ZNF676: variants seen among roughly 807,000 people sequenced by gnomAD.
ZNF676 encodes the protein zinc finger protein 676.
A neutral mutation model predicts 6.0 loss-of-function variants in ZNF676; 4 were observed. The observed-to-expected ratio is 0.67, with a 90% confidence interval of 0.33 to 1.53. ZNF676 has a LOEUF of 1.53. ZNF676 is among the 40% of genes most tolerant of loss of function. The pLI is 0.06. For missense variants in ZNF676, 644 were observed against 679.7 expected (o/e 0.95, Z 0.58); for synonymous variants, 198 against 223.1 (o/e 0.89, Z 1.00).
chr19:22,201,141 GTAGAAGGAC>G (rs2024021866), upstream of ZNF676, among the ~76,000 whole-genome samples: 2 of 152,284 alleles, frequency 1.3e-5, no homozygotes, highest in East Asian at 3.9e-4. Flanking sequence ...TGTTGGGTAA[GTAGAAGGAC>G]AAGAATACTC....
chr19:22,216,565 T>C (rs979366769), upstream of ZNF676, among the ~76,000 whole-genome samples: 3 of 152,204 alleles, frequency 2.0e-5, no homozygotes, highest in Non-Finnish European at 4.4e-5. Flanking sequence ...TAGATGTTCA[T>C]ATATATTTTA....
chr19:22,184,303 C>G (rs1192580211), intron 2 of ZNF676, among the ~76,000 whole-genome samples: 1 of 152,048 alleles, frequency 6.6e-6, no homozygotes, highest in African/African-American at 2.4e-5. Flanking sequence ...GGGACTGTAC[C>G]ATAAAGAACA....
At chr19:22,256,379 G>A in the ZNF676 span, among the ~76,000 whole-genome samples, 3 of 152,018 alleles carry the variant, frequency 2.0e-5, no homozygotes, top group Admixed American at 6.6e-5. Context: ...CCAGAGATTT[G>A]TACAATATTC....
At chr19:22,192,993 T>C in intron 2 of ZNF676, 23 bp downstream of exon 2, 1 of 1,591,816 alleles carries the variant, frequency 6.3e-7, no homozygotes, top group Non-Finnish European at 8.5e-7. Flanking sequence ...TCATTCATGT[T>C]GTCTGTATTC....
the ZNF676 span, among the ~76,000 whole-genome samples, chr19:22,239,003 A>G: frequency 2.0e-5 from 3 of 152,230 alleles, no homozygotes; most frequent in African/African-American, 7.2e-5. Flanking sequence ...CAGGATTAAT[A>G]CTTTGTATCC....
chr19:22,185,165 GA>G (rs1428479832), intron 2 of ZNF676, among the ~76,000 whole-genome samples: 1 of 152,174 alleles, frequency 6.6e-6, no homozygotes, highest in Non-Finnish European at 1.5e-5. Context: ...CCTTCCAGAG[GA>G]AGGAACAGGC....
At chr19:22,238,097 CTTCA>C in the ZNF676 span, among the ~76,000 whole-genome samples, 1 of 152,316 alleles carries the variant, frequency 6.6e-6, no homozygotes, top group Admixed American at 6.5e-5. Flanking sequence ...GGACAACCAG[CTTCA>C]TTATGTTCCT....
At chr19:22,182,593 A>AAAAAAAAAACAAAAAAC (rs1356303631) in intron 2 of ZNF676, among the ~76,000 whole-genome samples, 1,276 of 90,896 alleles carry the variant, frequency 0.014, 59 homozygotes, top group African/African-American at 0.055. Context: ...TCTAAAAAAA[A>AAAAAAAAAACAAAAAAC]AAAAAAAAAG....
the ZNF676 span, among the ~76,000 whole-genome samples, chr19:22,222,363 C>T: frequency 3.3e-5 from 5 of 152,140 alleles, no homozygotes; most frequent in Non-Finnish European, 5.9e-5. Flanking sequence ...GCCTCGGCCT[C>T]CCAGAGTGCT....
intron 1 of ZNF676, among the ~76,000 whole-genome samples, chr19:22,206,523 A>T (rs2144807029): frequency 6.6e-6 from 1 of 152,156 alleles, no homozygotes; most frequent in Admixed American, 6.5e-5. Context: ...AAACAGGAAA[A>T]AATTAGCTGG....
chr19:22,255,638 G>A, the ZNF676 span, among the ~76,000 whole-genome samples: 9 of 152,076 alleles, frequency 5.9e-5, no homozygotes, highest in African/African-American at 2.2e-4. Context: ...AAAGTCAGGA[G>A]ATCGAGACCA....
chr19:22,235,267 C>T, the ZNF676 span, among the ~76,000 whole-genome samples: 1 of 152,198 alleles, frequency 6.6e-6, no homozygotes, highest in Admixed American at 6.5e-5. Context: ...TCCATTGGAT[C>T]TCCTGGGTAA....
the ZNF676 span, among the ~76,000 whole-genome samples, chr19:22,242,663 A>G: frequency 7.9e-5 from 12 of 152,072 alleles, no homozygotes; most frequent in Admixed American, 2.0e-4. Flanking sequence ...GTCTTATCAC[A>G]CAGGTTTTGG....
the ZNF676 span, among the ~76,000 whole-genome samples, chr19:22,232,772 G>GA: frequency 3.9e-5 from 6 of 151,930 alleles, no homozygotes; most frequent in Non-Finnish European, 7.4e-5. Flanking sequence ...AAAAAAACCT[G>GA]AAAAAAGTAT....
chr19:22,253,404 G>GTGTATATATATATA, the ZNF676 span, among the ~76,000 whole-genome samples: 8,707 of 95,812 alleles, frequency 0.091, 346 homozygotes, highest in South Asian at 0.15. Flanking sequence ...ATGATAATGT[G>GTGTATATATATATA]TATATATATA....
At chr19:22,209,501 G>C (rs1228621057) in intron 1 of ZNF676, among the ~76,000 whole-genome samples, 1 of 152,104 alleles carries the variant, frequency 6.6e-6, no homozygotes, top group Non-Finnish European at 1.5e-5. Context: ...GCCTAGTTGA[G>C]GGTGGGAGGA....
the ZNF676 span, among the ~76,000 whole-genome samples, chr19:22,242,963 C>T: frequency 6.6e-6 from 1 of 151,698 alleles, no homozygotes; most frequent in African/African-American, 2.4e-5. Context: ...GGTGATGGGC[C>T]CAGAAATCTG....
At position 22,181,605 on chromosome 19, in the gene ZNF676, A is replaced by C. The variant is rs369426012; in HGVS notation, c.131-19T>G. 3 of 1,495,312 alleles carry C rather than the reference A, an allele frequency of 2.0e-6. No homozygotes were observed. The highest frequency in any genetic ancestry group is 2.7e-6 in the Non-Finnish European group (3 of 1,125,534). 92.6% of individuals were successfully genotyped at this position (1,495,312 alleles called of 1,614,324 possible). ...CATATAACTGAAAAGAAATAAAAAT[A>C]ACAAATTAATCTACATATTAGACTC... On this transcript the variant is annotated intron_variant, in intron 2 of 2. Transcript: ENST00000397121.
At chr19:22,239,892 T>C in the ZNF676 span, among the ~76,000 whole-genome samples, 1 of 152,200 alleles carries the variant, frequency 6.6e-6, no homozygotes, top group Non-Finnish European at 1.5e-5. Context: ...ACTAGCAATA[T>C]ATCACAATGC....
Sources: gnomAD v4.1 joint callset for allele counts (sites outside exome capture counted in the v4.1 genomes callset) on GRCh38, gnomAD v4.1.1 for gene constraint, MANE v1.5 for transcripts, NCBI Gene and HGNC (gene_info 2026-07-23, HGNC 2026-07-21) for gene names.